TMX4: variants seen among roughly 807,000 people sequenced by gnomAD.
TMX4 encodes thioredoxin related transmembrane protein 4.
TMX4 carries 23 observed loss-of-function variants against 33.3 expected under a neutral mutation model. The ratio of observed to expected loss-of-function variants is 0.69; its 90% CI spans 0.50 to 0.98. The LOEUF (loss-of-function observed/expected upper bound fraction) is 0.98. Among genes scored for constraint, TMX4 ranks in the 50% least tolerant of loss-of-function variants. The pLI, the probability that TMX4 is intolerant of heterozygous loss-of-function variation, is 0.00. For synonymous variants in TMX4, 164 were observed against 161.5 expected (o/e 1.02, Z -0.12); for missense variants, 399 against 448.9 (o/e 0.89, Z 1.01).
intron 5 of TMX4, among the ~76,000 whole-genome samples, chr20:7,992,022 T>C (rs1329278818): frequency 6.6e-6 from 1 of 152,270 alleles, no homozygotes; most frequent in African/African-American, 2.4e-5. Context: ...ATCCTAACTA[T>C]GCCACCAGAC....
intron 5 of TMX4, among the ~76,000 whole-genome samples, chr20:7,990,903 A>G (rs2052137783): frequency 1.3e-5 from 2 of 152,226 alleles, no homozygotes; most frequent in South Asian, 2.1e-4. Context: ...AGCCTCTTGT[A>G]GGATCTATGA....
chr20:8,017,552 C>T (rs2122887594), intron 1 of TMX4, among the ~76,000 whole-genome samples: 1 of 150,338 alleles, frequency 6.7e-6, no homozygotes, highest in East Asian at 1.9e-4. Flanking sequence ...ATTCTATTAC[C>T]AAAAAAAAAG....
chr20:7,983,707 G>A (rs1261685650), intron 7 of TMX4, 87 bp downstream of exon 7: 8 of 1,019,664 alleles, frequency 7.8e-6, no homozygotes, highest in Non-Finnish European at 1.1e-5. Flanking sequence ...GTAAATCACA[G>A]AGAAAACCCA....
rs2050600713 is a variant in TMX4, at chr20:7,980,522, C to G, written c.*1729G>C. The G allele has an allele frequency of 6.6e-6, 1 of 152,438 alleles. No homozygotes were observed. The highest frequency in any genetic ancestry group is 2.4e-5 in the African/African-American group (1 of 41,418). 9.4% of individuals were successfully genotyped at this position (152,438 alleles called of 1,614,324 possible). On this transcript the variant is annotated 3_prime_UTR_variant, in exon 8 of 8. Coordinates refer to ENST00000246024, the MANE Select transcript of TMX4 (RefSeq NM_021156.4). ...CAAGGGGGCAGGAAATGGGCAGTGACTAAGGGGGCAGGAAACAGGCAGGCA... is the reference window on the plus strand; with the variant it reads ...CAAGGGGGCAGGAAATGGGCAGTGAGTAAGGGGGCAGGAAACAGGCAGGCA...
At chr20:8,011,717 G>GCC (rs2050753971) in intron 1 of TMX4, among the ~76,000 whole-genome samples, 1 of 151,994 alleles carries the variant, frequency 6.6e-6, no homozygotes, top group Admixed American at 6.6e-5. Context: ...CTCCAGACAG[G>GCC]CCCCAGAAGC....
At chr20:7,998,150 C>T (rs1470108086) in intron 4 of TMX4, among the ~76,000 whole-genome samples, 2 of 152,110 alleles carry the variant, frequency 1.3e-5, no homozygotes, top group Non-Finnish European at 2.9e-5. Context: ...AACATCTTTT[C>T]TTTATAAATT....
rs186535208 is a variant in TMX4 at position 8,005,423 on chromosome 20, T to G, written c.293-3882A>C. Among the ~76,000 whole-genome samples the G allele has an allele frequency of 1.1e-3, 175 of 152,302 alleles. 1 individual carries two copies. The highest frequency in any genetic ancestry group is 1.3e-3 in the Non-Finnish European group (86 of 68,000). Reference sequence around the variant, plus strand: ...TCTCAGCCATAAAAATGCAACATGATTATAGTCTCTAGTTTTGATGACATT... The same window carrying G: ...TCTCAGCCATAAAAATGCAACATGAGTATAGTCTCTAGTTTTGATGACATT... On this transcript the variant is annotated intron_variant, in intron 2 of 7. Coordinates refer to ENST00000246024, the MANE Select transcript of TMX4 (RefSeq NM_021156.4).
chr20:8,018,323 C>CAGAG (rs72313818), intron 1 of TMX4, among the ~76,000 whole-genome samples: 3 of 54,740 alleles, frequency 5.5e-5, no homozygotes, highest in African/African-American at 1.1e-4. Context: ...GAGAGAGAGA[C>CAGAG]AGAGAGAGAG....
chr20:7,985,078 T>C (rs1455628164), intron 6 of TMX4, among the ~76,000 whole-genome samples: 3 of 152,006 alleles, frequency 2.0e-5, no homozygotes. Context: ...GTGATTTAAA[T>C]TGGGATAAGA....
chr20:8,009,137 G>A (rs1038778742), intron 2 of TMX4, among the ~76,000 whole-genome samples: 14 of 152,182 alleles, frequency 9.2e-5, no homozygotes, highest in Admixed American at 2.0e-4. Context: ...GTTAAAATTT[G>A]AAAATAGCCA....
In TMX4 at chr20:8,009,789, G is replaced by A. The variant is rs917890623; in HGVS notation, c.292+411C>T. ...AAAAAATGAGGGATAATTGTTGATT[G>A]CAAGAGACTAAAAAGACTTAACAAC... On this transcript the variant is annotated intron_variant, in intron 2 of 7. Transcript: ENST00000246024. Among the ~76,000 whole-genome samples the A allele has an allele frequency of 6.8e-5, 10 of 147,714 alleles. No homozygotes were observed. In the South Asian group the frequency reaches 2.2e-3, roughly 32 times the overall value.
chr20:7,990,294 CAA>C lies in TMX4; in HGVS notation c.514-2907_514-2906del, dbSNP rs11483773. Among the ~76,000 whole-genome samples, 676 of 128,262 alleles carry C rather than the reference CAA, an allele frequency of 5.3e-3. 4 individuals carry two copies. Among genetic ancestry groups the C allele is most frequent in the African/African-American group, 0.017 (619 of 35,890 alleles). 84.1% of individuals were successfully genotyped at this position (128,262 alleles called of 152,430 possible). A position where few individuals can be genotyped will look rare whatever the true frequency, so the allele number is the denominator to read the frequency against. On this transcript the variant is annotated intron_variant, in intron 5 of 7. Transcript: ENST00000246024. ...TGGGTGACACAGTGAGACTCTGCCT[CAA>C]AAAAAAAAAAAATCTTAGTCTGTTC...
At chr20:8,019,378 G>C (rs1049740355) in intron 1 of TMX4, 60 bp downstream of exon 1, 34 of 1,488,816 alleles carry the variant, frequency 2.3e-5, no homozygotes, top group Non-Finnish European at 2.9e-5. Flanking sequence ...GGCCGCGCGG[G>C]CTTGGGAGGG....
At chr20:7,997,318 T>C (rs1000798666) in intron 4 of TMX4, among the ~76,000 whole-genome samples, 1 of 152,142 alleles carries the variant, frequency 6.6e-6, no homozygotes, top group Non-Finnish European at 1.5e-5. Flanking sequence ...TGAATCTGTA[T>C]CCCCACCCAA....
intron 1 of TMX4, among the ~76,000 whole-genome samples, chr20:8,014,220 T>C (rs2050763749): frequency 6.6e-6 from 1 of 152,212 alleles, no homozygotes; most frequent in Admixed American, 6.5e-5. Flanking sequence ...TGACTTTCAC[T>C]AGAATTAACA....
intron 4 of TMX4, among the ~76,000 whole-genome samples, chr20:7,997,901 G>C (rs1811854059): frequency 6.6e-6 from 1 of 152,172 alleles, no homozygotes; most frequent in Non-Finnish European, 1.5e-5. Context: ...CTCATGAATA[G>C]TTTAGCACCA....
chr20:7,987,491 A>G (rs907051676), intron 5 of TMX4, 102 bp from the exon 6 acceptor site: 21 of 732,664 alleles, frequency 2.9e-5, no homozygotes, highest in Non-Finnish European at 4.1e-5. Context: ...AGGTTCCCAC[A>G]AAGCTTTATG....
In TMX4 at chr20:7,996,044, G is replaced by A; in HGVS notation, c.495C>T (p.Ser165=). 1 of 1,610,672 alleles carries A rather than the reference G, an allele frequency of 6.2e-7. No homozygotes were observed. Among genetic ancestry groups the A allele is most frequent in the Non-Finnish European group, 8.5e-7 (1 of 1,178,350 alleles). Residue 165 remains serine, a synonymous_variant, in exon 5 of 8, where the codon AGC becomes AGT. Coordinates refer to ENST00000246024, the MANE Select transcript of TMX4 (RefSeq NM_021156.4). ...LTMSGMAGLF[S]ISGKIWHLHN... ...TACTTACCCATATCTTGCCAGAGAT[G>A]CTAAAAAGACCAGCCATTCCAGACA...
In TMX4 at chr20:8,011,863, A is replaced by C. The variant is rs142894342; in HGVS notation, c.177-1548T>G. Among the ~76,000 whole-genome samples, 611 of 152,264 alleles carry C rather than the reference A, an allele frequency of 4.0e-3. 6 individuals carry two copies. Among genetic ancestry groups the C allele is most frequent in the African/African-American group, 0.013 (538 of 41,576 alleles). Reference sequence around the variant, plus strand: ...CAAATCCTGAGATCCAGAAGACAGGAACAACAAAATAATCTGCTGACATCT... The same window carrying C: ...CAAATCCTGAGATCCAGAAGACAGGCACAACAAAATAATCTGCTGACATCT... On this transcript the variant is annotated intron_variant, in intron 1 of 7. Transcript: ENST00000246024.
Sources: allele counts gnomAD v4.1 joint callset (sites outside exome capture counted in the v4.1 genomes callset), GRCh38; gene constraint gnomAD v4.1.1; transcripts MANE v1.5; gene names NCBI Gene and HGNC (gene_info 2026-07-23, HGNC 2026-07-21).